Variants in EFNA5 observed in about 807,000 individuals in gnomAD.
The protein encoded by EFNA5 is ephrin-A5.
A neutral mutation model predicts 22.9 loss-of-function variants in EFNA5; 5 were observed. The ratio of observed to expected loss-of-function variants is 0.22; its 90% CI spans 0.11 to 0.46. EFNA5 has a LOEUF of 0.46. Ranked by LOEUF, EFNA5 falls within the 20% of genes least tolerant of loss-of-function variation. EFNA5 has a pLI of 0.99. For missense variants in EFNA5, 237 were observed against 293.3 expected (o/e 0.81, Z 1.40); for synonymous variants, 113 against 112.2 (o/e 1.01, Z -0.04).
intron 1 of EFNA5, among the ~76,000 whole-genome samples, chr5:107,435,313 CTCTT>C (rs1749079356): frequency 1.0e-5 from 1 of 97,268 alleles, no homozygotes; most frequent in South Asian, 2.8e-4. Flanking sequence ...TCTGAAGATG[CTCTT>C]TTTTTTTTTT....
intron 1 of EFNA5, among the ~76,000 whole-genome samples, chr5:107,634,178 G>A (rs1023758181): frequency 6.6e-6 from 1 of 152,114 alleles, no homozygotes. Context: ...CAACTGTGAT[G>A]CAGAAATTCT....
intron 1 of EFNA5, among the ~76,000 whole-genome samples, chr5:107,474,655 T>C (rs1050406135): frequency 6.6e-6 from 1 of 152,180 alleles, no homozygotes; most frequent in African/African-American, 2.4e-5. Context: ...GGCGTATCTT[T>C]AGGCCACTAA....
At chr5:107,588,262 C>T (rs1352890879) in intron 1 of EFNA5, among the ~76,000 whole-genome samples, 5 of 152,004 alleles carry the variant, frequency 3.3e-5, no homozygotes, top group African/African-American at 1.2e-4. Flanking sequence ...GAGATAGACA[C>T]CAGGTCCACT....
rs966018662 is a variant in EFNA5 at position 107,380,107 on chromosome 5, T to C, written c.*1148A>G. ...CCCAAGTAGTGCTGACTGACTCTCC[T>C]GGTGACAGGGGTTTGTGTCCGAGCC... On this transcript the variant is annotated 3_prime_UTR_variant, in exon 5 of 5. Coordinates refer to ENST00000333274, the MANE Select transcript of EFNA5 (RefSeq NM_001962.3). The C allele has an allele frequency of 5.9e-5, 9 of 151,940 alleles. No homozygotes were observed. Among genetic ancestry groups the C allele is most frequent in the African/African-American group, 1.9e-4 (8 of 41,360 alleles). The allele number at this position is 151,940 out of a possible 1,614,324, so 9.4% of individuals were successfully genotyped here. A position where few individuals can be genotyped will look rare whatever the true frequency, so the allele number is the denominator to read the frequency against.
chr5:107,517,301 CT>C (rs1747501309), intron 1 of EFNA5, among the ~76,000 whole-genome samples: 1 of 152,122 alleles, frequency 6.6e-6, no homozygotes. Flanking sequence ...TTCTCCACTC[CT>C]ATACAATCAT....
chr5:107,523,682 C>T (rs1163903531), intron 1 of EFNA5, among the ~76,000 whole-genome samples: 1 of 152,206 alleles, frequency 6.6e-6, no homozygotes, highest in Non-Finnish European at 1.5e-5. Flanking sequence ...CTGTAATGCT[C>T]AAAAGGTTTA....
intron 1 of EFNA5, among the ~76,000 whole-genome samples, chr5:107,627,650 A>C (rs1750170770): frequency 6.6e-6 from 1 of 151,802 alleles, no homozygotes; most frequent in African/African-American, 2.4e-5. Flanking sequence ...AAAAAAAAAA[A>C]AAAAAAGGAA....
At chr5:107,635,556 C>A (rs542090680) in intron 1 of EFNA5, among the ~76,000 whole-genome samples, 2 of 152,234 alleles carry the variant, frequency 1.3e-5, no homozygotes, top group East Asian at 3.9e-4. Context: ...TTTTTCTTAA[C>A]CCCAGGGATT....
chr5:107,496,355 A>AAAAAAAAC (rs1561412638), intron 1 of EFNA5, among the ~76,000 whole-genome samples: 10 of 140,670 alleles, frequency 7.1e-5, no homozygotes, highest in African/African-American at 2.6e-4. Context: ...AAAAAAAAAC[A>AAAAAAAAC]AAAAAACAAA....
In EFNA5 at chr5:107,380,331, G is replaced by C. The variant is rs1747404231; in HGVS notation, c.*924C>G. 1 of 130,908 alleles carries C rather than the reference G, an allele frequency of 7.6e-6. No individual in the cohort carries two copies. Among genetic ancestry groups the C allele is most frequent in the African/African-American group, 3.0e-5 (1 of 33,610 alleles). The allele number at this position is 130,908 out of a possible 1,614,324, so 8.1% of individuals were successfully genotyped here. On this transcript the variant is annotated 3_prime_UTR_variant, in exon 5 of 5. Transcript: ENST00000333274. ...TCATCAACCCTGGCTTGTCAGCCTT[G>C]GGGAAGGTCACTTTATTCATAAAAA...
intron 2 of EFNA5, among the ~76,000 whole-genome samples, chr5:107,388,170 AG>A (rs796126254): frequency 6.6e-6 from 1 of 152,214 alleles, no homozygotes; most frequent in South Asian, 2.1e-4. Flanking sequence ...GGCCCAACAG[AG>A]GCCCAAGGTG....
intron 1 of EFNA5, among the ~76,000 whole-genome samples, chr5:107,452,844 A>C (rs1749596199): frequency 6.6e-6 from 1 of 152,158 alleles, no homozygotes; most frequent in African/African-American, 2.4e-5. Flanking sequence ...ACCTAGGAAA[A>C]CTCATATATG....
chr5:107,412,183 T>C (rs13360970), intron 2 of EFNA5, among the ~76,000 whole-genome samples: 5,420 of 152,284 alleles, frequency 0.036, 319 homozygotes, highest in African/African-American at 0.12. Flanking sequence ...GATTAACCTG[T>C]TTCTGATGGT....
At chr5:107,491,840 A>T (rs1318304620) in intron 1 of EFNA5, among the ~76,000 whole-genome samples, 4 of 152,108 alleles carry the variant, frequency 2.6e-5, no homozygotes, top group Non-Finnish European at 5.9e-5. Context: ...AATTAAATTA[A>T]TTAATTTTTT....
At chr5:107,474,854 T>G (rs1750240580) in intron 1 of EFNA5, among the ~76,000 whole-genome samples, 2 of 152,162 alleles carry the variant, frequency 1.3e-5, no homozygotes, top group Non-Finnish European at 2.9e-5. Flanking sequence ...TAAGGGCCAT[T>G]CTAAGGGAAA....
At chr5:107,540,171 C>G (rs1218582518) in intron 1 of EFNA5, among the ~76,000 whole-genome samples, 1 of 152,014 alleles carries the variant, frequency 6.6e-6, no homozygotes, top group Non-Finnish European at 1.5e-5. Flanking sequence ...AGTCAAAAAG[C>G]AAACAAGGAA....
intron 1 of EFNA5, among the ~76,000 whole-genome samples, chr5:107,623,507 T>C (rs1035827296): frequency 6.6e-6 from 1 of 152,170 alleles, no homozygotes; most frequent in African/African-American, 2.4e-5. Context: ...CATTTGTAAA[T>C]TTAACAGCCC....
intron 1 of EFNA5, among the ~76,000 whole-genome samples, chr5:107,554,600 G>A (rs1411325514): frequency 1.3e-5 from 2 of 152,170 alleles, no homozygotes. Flanking sequence ...GAATTAAAAA[G>A]GAGGTAGGAA....
chr5:107,485,118 G>A (rs1289649778), intron 1 of EFNA5, among the ~76,000 whole-genome samples: 1 of 152,038 alleles, frequency 6.6e-6, no homozygotes, highest in African/African-American at 2.4e-5. Context: ...TCTAAGAGGA[G>A]GGTTTGAATT....
Sources: allele counts gnomAD v4.1 joint callset (sites outside exome capture counted in the v4.1 genomes callset), GRCh38; gene constraint gnomAD v4.1.1; transcripts MANE v1.5; gene names NCBI Gene and HGNC (gene_info 2026-07-23, HGNC 2026-07-21).